The following TSBP1 variants were observed in gnomAD, a reference collection of about 807,000 sequenced individuals.
The protein encoded by TSBP1 is testis expressed basic protein 1.
Under a neutral mutation model 68.8 loss-of-function variants are expected in TSBP1, and 56 were observed. That is an observed-to-expected ratio of 0.81 (90% CI 0.66 to 1.02). The LOEUF is 1.02. Ranked by LOEUF, TSBP1 falls within the 50% of genes least tolerant of loss-of-function variation. TSBP1 has a pLI of 0.00. For missense variants in TSBP1, 502 were observed against 641.2 expected (o/e 0.78, Z 2.34); for synonymous variants, 171 against 208.7 (o/e 0.82, Z 1.56).
intron 6 of TSBP1, among the ~76,000 whole-genome samples, chr6:32,358,585 C>A (rs1469345526): frequency 6.6e-6 from 1 of 151,946 alleles, no homozygotes; most frequent in Non-Finnish European, 1.5e-5. Flanking sequence ...CCACAACAGG[C>A]CCCGGTGTGT....
At chr6:32,296,064 G>C (rs969034727) in intron 22 of TSBP1, among the ~76,000 whole-genome samples, 2 of 151,968 alleles carry the variant, frequency 1.3e-5, no homozygotes, top group Non-Finnish European at 2.9e-5. Flanking sequence ...GGCTGGTCTT[G>C]AACTCCTGAC....
chr6:32,322,643 A>T (rs553251088), intron 18 of TSBP1, 137 bp from the exon 20 acceptor site: 38 of 638,324 alleles, frequency 6.0e-5, no homozygotes, highest in Non-Finnish European at 8.5e-5. Context: ...ACCACCCTAT[A>T]GATTATTTGG....
intron 9 of TSBP1, 62 bp from the exon 11 acceptor site, chr6:32,339,700 T>C: frequency 1.4e-6 from 1 of 737,968 alleles, no homozygotes; most frequent in Non-Finnish European, 2.3e-6. Flanking sequence ...GGCATGGAGA[T>C]AGACAATCCC....
intron 16 of TSBP1, chr6:32,324,804 C>T: frequency 7.5e-7 from 1 of 1,328,006 alleles, no homozygotes; most frequent in Admixed American, 2.5e-5. Context: ...TAATCAAAGG[C>T]ACTAGAAATT....
intron 9 of TSBP1, among the ~76,000 whole-genome samples, chr6:32,345,834 A>T (rs1468572794): frequency 6.6e-6 from 1 of 152,158 alleles, no homozygotes; most frequent in East Asian, 1.9e-4. Flanking sequence ...TGAATTGCCT[A>T]TGAGAATTAT....
intron 9 of TSBP1, among the ~76,000 whole-genome samples, chr6:32,342,268 A>G (rs1055870498): frequency 6.6e-6 from 1 of 151,698 alleles, no homozygotes; most frequent in African/African-American, 2.4e-5. Context: ...GGTTCAAGCA[A>G]TTCTCCTGCC....
At chr6:32,319,428 C>A (rs1187403889) in intron 18 of TSBP1, among the ~76,000 whole-genome samples, 1 of 152,154 alleles carries the variant, frequency 6.6e-6, no homozygotes, top group Non-Finnish European at 1.5e-5. Context: ...ATAGAGTGAT[C>A]TTTTAAAATT....
intron 19 of TSBP1, among the ~76,000 whole-genome samples, chr6:32,311,414 A>T (rs958340535): frequency 2.0e-5 from 3 of 152,220 alleles, no homozygotes; most frequent in Non-Finnish European, 4.4e-5. Context: ...AAGTAGGATC[A>T]CAAAGCTGAG....
chr6:32,370,073 T>C, intron 1 of TSBP1, 90 bp from the exon 2 acceptor site: 1 of 750,772 alleles, frequency 1.3e-6, no homozygotes, highest in Middle Eastern at 2.3e-4. Flanking sequence ...ATCCACCAGA[T>C]AGACTTTTTT....
At chr6:32,295,349 CAAAA>C (rs3038432) in intron 22 of TSBP1, among the ~76,000 whole-genome samples, 3 of 90,846 alleles carry the variant, frequency 3.3e-5, no homozygotes, top group South Asian at 3.6e-4. Flanking sequence ...CACACACACA[CAAAA>C]AAAAAAAAAA....
intron 19 of TSBP1, among the ~76,000 whole-genome samples, chr6:32,310,744 CATAT>C (rs1554188789): frequency 1.5e-5 from 2 of 131,956 alleles, no homozygotes; most frequent in Non-Finnish European, 3.3e-5. Flanking sequence ...AATATATATA[CATAT>C]ATATATATAT....
At position 32,336,653 on chromosome 6, in the gene TSBP1, G is replaced by A; in HGVS notation, c.410-18C>T. 1.9e-6 allele frequency: 3 copies of A among 1,610,872 alleles called. No individual in the cohort carries two copies. The highest frequency in any genetic ancestry group is 2.5e-6 in the Non-Finnish European group (3 of 1,178,124). ...GAATTGCACTGAAATACAAAAAGGA[G>A]GAAAGTGTGGTTTGACATTAATAGA... On this transcript the variant is annotated intron_variant, in intron 11 of 22. Coordinates refer to ENST00000612031, the Ensembl canonical transcript of TSBP1. This position sits in a 1 kb window ranked among gnomAD's most constrained non-coding sequence, Gnocchi z 5.2.
chr6:32,360,163 C>G (rs1323758352), intron 6 of TSBP1, among the ~76,000 whole-genome samples: 3 of 152,092 alleles, frequency 2.0e-5, no homozygotes, highest in Admixed American at 2.0e-4. Context: ...CAAGTTTGTA[C>G]CCTTTGGCCA....
At chr6:32,368,379 C>A (rs989866924) in intron 3 of TSBP1, among the ~76,000 whole-genome samples, 2 of 152,194 alleles carry the variant, frequency 1.3e-5, no homozygotes, top group Non-Finnish European at 2.9e-5. Context: ...ACTGTGTTCA[C>A]TCTCGTTATT....
rs563796442 is a variant in TSBP1 at position 32,336,317 on chromosome 6, GT to G, written c.430+297del. Among the ~76,000 whole-genome samples the G allele has an allele frequency of 4.2e-3, 634 of 152,296 alleles. 6 individuals carry two copies. Among genetic ancestry groups the G allele is most frequent in the South Asian group, 4.4e-3 (21 of 4,826 alleles). ...CATTATGACTATTTCTAAGAGGGCT[GT>G]TTTGGTTTATATTTTTAAATGTTAG... On this transcript the variant is annotated intron_variant, in intron 12 of 22. Transcript: ENST00000612031. The surrounding 1 kb of genome is among the most constrained non-coding windows in gnomAD (Gnocchi z 5.2).
rs1764449946 is a variant in TSBP1, at chr6:32,294,047, A to G, written c.638-12T>C. Reference sequence around the variant, plus strand: ...ACCTGTTAATATAACTGAGCATACAACAAAAGGGCGTGATTTAGATATCAA... The same window carrying G: ...ACCTGTTAATATAACTGAGCATACAGCAAAAGGGCGTGATTTAGATATCAA... On this transcript the variant is annotated splice_polypyrimidine_tract_variant and intron_variant, in intron 22 of 22. Coordinates refer to ENST00000612031, the Ensembl canonical transcript of TSBP1. 2 of 1,603,114 alleles carry G rather than the reference A, an allele frequency of 1.2e-6. No individual in the cohort carries two copies. The highest frequency in any genetic ancestry group is 1.7e-6 in the Non-Finnish European group (2 of 1,178,326).
intron 8 of TSBP1, chr6:32,350,061 C>T: frequency 1.5e-6 from 1 of 661,502 alleles, no homozygotes. Context: ...TTTTCTGTCC[C>T]TATAAGTCTT....
At chr6:32,300,194 T>G (rs1765141951) in intron 21 of TSBP1, among the ~76,000 whole-genome samples, 1 of 152,218 alleles carries the variant, frequency 6.6e-6, no homozygotes, top group Non-Finnish European at 1.5e-5. Flanking sequence ...AAATTCAAAC[T>G]ATTGTATTTC....
Position 32,322,027 on chromosome 6 carries a change from C to T in TSBP1, c.559+1090G>A, listed in dbSNP as rs115975553. On this transcript the variant is annotated intron_variant, in intron 18 of 22. Transcript: ENST00000612031. ...TCATCTCACTCATTTACTGACCTGC[C>T]TGGGCTCTTTTGGCATCTGCATTTT... Among the ~76,000 whole-genome samples, 963 of 152,304 alleles carry T rather than the reference C, an allele frequency of 6.3e-3. 15 individuals carry two copies. Among genetic ancestry groups the T allele is most frequent in the Middle Eastern group, 0.014 (4 of 294 alleles).
Sources: gnomAD v4.1 joint callset for allele counts (sites outside exome capture counted in the v4.1 genomes callset) on GRCh38, gnomAD v4.1.1 for gene constraint, Gnocchi (gnomAD v3.1) non-coding constraint, MANE v1.5 for transcripts, NCBI Gene and HGNC (gene_info 2026-07-23, HGNC 2026-07-21) for gene names.